Variants in DAPK2 observed in about 807,000 individuals in gnomAD.
DAPK2 encodes death associated protein kinase 2.
Under a neutral mutation model 44.1 loss-of-function variants are expected in DAPK2, and 35 were observed. The ratio of observed to expected loss-of-function variants is 0.79; its 90% CI spans 0.61 to 1.05. DAPK2 has a LOEUF of 1.05. Ranked by LOEUF, DAPK2 falls within the 50% of genes least tolerant of loss-of-function variation. The pLI is 0.00. For synonymous variants in DAPK2, 174 were observed against 182.6 expected (o/e 0.95, Z 0.38); for missense variants, 453 against 483.2 (o/e 0.94, Z 0.59).
chr15:63,961,998 G>C (rs774723699), intron 3 of DAPK2, among the ~76,000 whole-genome samples: 1 of 152,078 alleles, frequency 6.6e-6, no homozygotes, highest in Non-Finnish European at 1.5e-5. Context: ...CGTAGATTTG[G>C]TCTTTTCACG....
chr15:64,023,018 A>G (rs1197194354), intron 1 of DAPK2, among the ~76,000 whole-genome samples: 1 of 152,202 alleles, frequency 6.6e-6, no homozygotes, highest in Non-Finnish European at 1.5e-5. Flanking sequence ...CACTGTAGGT[A>G]CCAGTATACA....
chr15:63,991,293 G>A (rs752858673), intron 1 of DAPK2: 4 of 456,210 alleles, frequency 8.8e-6, no homozygotes, highest in South Asian at 1.5e-5. Context: ...CACGCAGGGA[G>A]CAGCAGCAAA....
At chr15:63,959,098 T>A (rs571903835) in intron 3 of DAPK2, among the ~76,000 whole-genome samples, 46 of 152,202 alleles carry the variant, frequency 3.0e-4, no homozygotes, top group Non-Finnish European at 5.9e-4. Flanking sequence ...TCCTAGGCAT[T>A]TTATTCTCTT....
intron 2 of DAPK2, among the ~76,000 whole-genome samples, chr15:63,974,861 G>T (rs774196819): frequency 6.6e-6 from 1 of 152,170 alleles, no homozygotes. Context: ...TTATAGTAGA[G>T]TCAGGTTGGA....
rs1436399254 is a variant in DAPK2 at position 63,990,457 on chromosome 15, A to G, written c.93-6703T>C. Reference sequence around the variant, plus strand: ...AAGAAAAAGAAAGGTCCATGGATTGAGTGGGTCTACCTCATTCCCTCTCTT... The same window carrying G: ...AAGAAAAAGAAAGGTCCATGGATTGGGTGGGTCTACCTCATTCCCTCTCTT... On this transcript the variant is annotated intron_variant, in intron 1 of 10. Transcript: ENST00000261891. The surrounding 1 kb of genome is among the most constrained non-coding windows in gnomAD (Gnocchi z 4.3). 7.3e-6 allele frequency among the ~76,000 whole-genome samples: 1 copy of G among 137,192 alleles called. No homozygotes were observed. Among genetic ancestry groups the G allele is most frequent in the East Asian group, 2.1e-4 (1 of 4,720 alleles). The allele number at this position is 137,192 out of a possible 152,430, so 90.0% of individuals were successfully genotyped here. A position where few individuals can be genotyped will look rare whatever the true frequency, so the allele number is the denominator to read the frequency against.
intron 3 of DAPK2, among the ~76,000 whole-genome samples, chr15:63,951,672 C>T (rs2077590853): frequency 6.6e-6 from 1 of 152,274 alleles, no homozygotes; most frequent in Admixed American, 6.5e-5. Flanking sequence ...AGGCTGGTAC[C>T]ATAGCACATT....
At chr15:63,961,978 A>G (rs1312143608) in intron 3 of DAPK2, among the ~76,000 whole-genome samples, 1 of 152,200 alleles carries the variant, frequency 6.6e-6, no homozygotes, top group African/African-American at 2.4e-5. Context: ...TTTCAGGTAC[A>G]CTAATCAAAC....
chr15:63,971,539 C>A, exon 3 of DAPK2: 1 of 1,614,166 alleles, frequency 6.2e-7, no homozygotes, highest in East Asian at 2.2e-5. Flanking sequence ...GCCAGGAAAT[C>A]GAAGAGCTCT....
intron 1 of DAPK2, among the ~76,000 whole-genome samples, chr15:64,033,073 G>A (rs565318421): frequency 3.9e-5 from 6 of 152,024 alleles, no homozygotes; most frequent in East Asian, 3.9e-4. Flanking sequence ...GTGACAGAGC[G>A]AGACTCCATC....
At chr15:64,004,361 C>T (rs367776269) in intron 1 of DAPK2, among the ~76,000 whole-genome samples, 22 of 152,236 alleles carry the variant, frequency 1.4e-4, no homozygotes, top group Admixed American at 8.5e-4. Flanking sequence ...CATCAGGAGG[C>T]GCCTAACGTT....
intron 4 of DAPK2, chr15:63,932,466 C>CAAAAAAAAAAA (rs61026642): frequency 1.5e-5 from 1 of 68,224 alleles, no homozygotes; most frequent in African/African-American, 6.6e-5. Context: ...AACTCCGTCT[C>CAAAAAAAAAAA]AAAAAAAAAA....
chr15:63,971,630 G>C, intron 2 of DAPK2, 69 bp from the exon 4 acceptor site: 1 of 1,552,544 alleles, frequency 6.4e-7, no homozygotes, highest in Non-Finnish European at 8.8e-7. Flanking sequence ...AGGCTGGGCT[G>C]ATAGGGGCAA....
chr15:64,039,391 T>C (rs2080296825), intron 1 of DAPK2, among the ~76,000 whole-genome samples: 1 of 152,242 alleles, frequency 6.6e-6, no homozygotes, highest in African/African-American at 2.4e-5. Flanking sequence ...TGTCACTCAC[T>C]GGCTCAGCAA....
intron 3 of DAPK2, among the ~76,000 whole-genome samples, chr15:63,959,267 G>T (rs1397928355): frequency 2.6e-5 from 4 of 152,092 alleles, no homozygotes; most frequent in Admixed American, 6.6e-5. Flanking sequence ...GAGATGATGG[G>T]GTTTTCTAAA....
At chr15:63,925,859 G>A (rs1287403789) in intron 7 of DAPK2, 82 bp downstream of exon 8, 1 of 1,547,964 alleles carries the variant, frequency 6.5e-7, no homozygotes, top group Non-Finnish European at 8.9e-7. Context: ...ATGTCAAAGT[G>A]GGGACATACT....
intron 1 of DAPK2, among the ~76,000 whole-genome samples, chr15:64,004,733 A>G (rs1438164302): frequency 6.6e-6 from 1 of 152,162 alleles, no homozygotes; most frequent in Non-Finnish European, 1.5e-5. Flanking sequence ...CACAGGCTCC[A>G]GGGCACACAT....
Position 63,966,911 on chromosome 15 carries a change from T to C in DAPK2, c.453+4512A>G, listed in dbSNP as rs940369787. On this transcript the variant is annotated intron_variant, in intron 3 of 10. Coordinates refer to ENST00000261891, the Ensembl canonical transcript of DAPK2. This position sits in a 1 kb window ranked among gnomAD's most constrained non-coding sequence, Gnocchi z 5.5. ...ACCAGGTACTGTGGGCCGGGCGCAG[T>C]GGCTCACACCTGTAATCCCAGCACT... Among the ~76,000 whole-genome samples the C allele has an allele frequency of 7.2e-5, 11 of 152,198 alleles. No homozygotes were observed. Among genetic ancestry groups the C allele is most frequent in the African/African-American group, 2.7e-4 (11 of 41,444 alleles).
intron 3 of DAPK2, among the ~76,000 whole-genome samples, chr15:63,951,271 C>T (rs757797149): frequency 1.3e-5 from 2 of 152,124 alleles, no homozygotes; most frequent in Non-Finnish European, 1.5e-5. Flanking sequence ...CACAAAACCA[C>T]ATAAAAATGC....
chr15:64,032,148 A>C (rs2080034287), intron 1 of DAPK2, among the ~76,000 whole-genome samples: 1 of 152,194 alleles, frequency 6.6e-6, no homozygotes, highest in South Asian at 2.1e-4. Flanking sequence ...CCCAGCCTGG[A>C]AACCTTCAGT....
Sources: allele counts gnomAD v4.1 joint callset (sites outside exome capture counted in the v4.1 genomes callset), GRCh38; gene constraint gnomAD v4.1.1; non-coding constraint Gnocchi (gnomAD v3.1); transcripts MANE v1.5; gene names NCBI Gene and HGNC (gene_info 2026-07-23, HGNC 2026-07-21).